The following CNOT6 variants were observed in gnomAD, a reference collection of about 807,000 sequenced individuals.
The protein encoded by CNOT6 is carbon catabolite repression 4 protein.
CNOT6 carries 12 observed loss-of-function variants against 61.2 expected under a neutral mutation model. The observed-to-expected ratio is 0.20, with a 90% CI of 0.13 to 0.32. The LOEUF (loss-of-function observed/expected upper bound fraction) is 0.32. CNOT6 is among the 10% of genes least tolerant of loss of function. The pLI is 1.00. For synonymous variants in CNOT6, 225 were observed against 240.6 expected (o/e 0.94, Z 0.60); for missense variants, 405 against 663.9 (o/e 0.61, Z 4.28).
intron 2 of CNOT6, among the ~76,000 whole-genome samples, chr5:180,540,900 A>G (rs1399232782): frequency 6.6e-6 from 1 of 152,096 alleles, no homozygotes; most frequent in Non-Finnish European, 1.5e-5. Flanking sequence ...TAGCATTTCC[A>G]ATGTTTTTCA....
At chr5:180,504,021 T>C (rs577155716) in intron 1 of CNOT6, among the ~76,000 whole-genome samples, 2 of 152,318 alleles carry the variant, frequency 1.3e-5, no homozygotes, top group South Asian at 2.1e-4. Context: ...TTTACACTAG[T>C]AGTTGATCAT....
rs372037483 is a variant in CNOT6 at position 180,571,451 on chromosome 5, A to C, written c.1461+19A>C. ...TTTCAAGGTGTGTCTTGAGACTGAT[A>C]AGCTTTTCAAACCTGTCTTTTACTG... On this transcript the variant is annotated intron_variant, in intron 11 of 11. Transcript: ENST00000261951. 8.9e-6 allele frequency: 14 copies of C among 1,581,342 alleles called. No homozygotes were observed. In the African/African-American group the frequency reaches 1.5e-4, roughly 17 times the overall value.
chr5:180,547,967 C>G (rs967552900), intron 2 of CNOT6, among the ~76,000 whole-genome samples: 1 of 152,208 alleles, frequency 6.6e-6, no homozygotes, highest in Non-Finnish European at 1.5e-5. Context: ...CTCCTGACTT[C>G]AGGTGATCTG....
At chr5:180,529,418 T>A in intron 2 of CNOT6, 30 bp downstream of exon 2, 1 of 1,362,460 alleles carries the variant, frequency 7.3e-7, no homozygotes, top group Non-Finnish European at 1.0e-6. Context: ...ATTTATGGTA[T>A]GGAAATTAAG....
intron 1 of CNOT6, among the ~76,000 whole-genome samples, chr5:180,513,089 G>T (rs1467376393): frequency 2.6e-5 from 4 of 151,866 alleles, no homozygotes; most frequent in Non-Finnish European, 4.4e-5. Flanking sequence ...AGTAGACACG[G>T]CATTTCACCT....
chr5:180,528,610 T>C (rs1192276895), intron 1 of CNOT6, among the ~76,000 whole-genome samples: 1 of 152,160 alleles, frequency 6.6e-6, no homozygotes, highest in Non-Finnish European at 1.5e-5. Context: ...CCACCATGCC[T>C]GGCCGATTCT....
In CNOT6 at chr5:180,550,107, G is replaced by A. The variant is rs1280102346; in HGVS notation, c.289G>A (p.Val97Ile). The change falls in exon 3 of 12, where the codon GTA (valine) becomes ATA (isoleucine). Residue 97 changes from valine (V) to isoleucine (I), a missense_variant. This residue lies in a region of CNOT6 where 212 missense variants were observed against 307.1 expected (regional missense o/e 0.69). Transcript: ENST00000261951. Reference sequence around the variant, plus strand: ...CTTACCCGCAGAACTCGGAAACATGGTATCACTCAGGTATGCAGATTCAAC... The same window carrying A: ...CTTACCCGCAGAACTCGGAAACATGATATCACTCAGGTATGCAGATTCAAC... The part of the protein sequence containing the change: ...RSLPAELGNM[V>I]SLRELHLNNN... 1.9e-5 allele frequency: 31 copies of A among 1,613,288 alleles called. No individual in the cohort carries two copies. Among genetic ancestry groups the A allele is most frequent in the Non-Finnish European group, 2.4e-5 (28 of 1,179,550 alleles).
At chr5:180,535,496 T>A (rs1758637300) in intron 2 of CNOT6, among the ~76,000 whole-genome samples, 1 of 152,238 alleles carries the variant, frequency 6.6e-6, no homozygotes, top group South Asian at 2.1e-4. Flanking sequence ...TTTCATTCTT[T>A]TTTATAACTC....
At chr5:180,531,061 G>A (rs1244095015) in intron 2 of CNOT6, among the ~76,000 whole-genome samples, 6 of 152,068 alleles carry the variant, frequency 3.9e-5, no homozygotes, top group African/African-American at 7.2e-5. Flanking sequence ...ATCATGGCCC[G>A]TTCTCAATGA....
At chr5:180,561,573 T>C (rs1027488440) in intron 4 of CNOT6, among the ~76,000 whole-genome samples, 2 of 152,208 alleles carry the variant, frequency 1.3e-5, no homozygotes, top group African/African-American at 4.8e-5. Context: ...ACTCATGTTA[T>C]GAAACTCTAG....
chr5:180,511,676 G>A (rs965844385), intron 1 of CNOT6, among the ~76,000 whole-genome samples: 1 of 152,010 alleles, frequency 6.6e-6, no homozygotes, highest in African/African-American at 2.4e-5. Context: ...GAGATGGGAG[G>A]ACCGCTTGAG....
At chr5:180,510,308 T>C (rs1444639175) in intron 1 of CNOT6, among the ~76,000 whole-genome samples, 1 of 151,808 alleles carries the variant, frequency 6.6e-6, no homozygotes, top group Non-Finnish European at 1.5e-5. Context: ...AGGACTTCTA[T>C]CCGTAAACTT....
chr5:180,552,121 G>A (rs1352838688), intron 3 of CNOT6, among the ~76,000 whole-genome samples: 7 of 151,232 alleles, frequency 4.6e-5, no homozygotes, highest in African/African-American at 7.3e-5. Context: ...TGCCTGCCTC[G>A]GCCTCCCAAA....
At position 180,513,221 on chromosome 5, in the gene CNOT6, T is replaced by A. The variant is rs185892995; in HGVS notation, c.-2-16054T>A. On this transcript the variant is annotated intron_variant, in intron 1 of 11. Transcript: ENST00000261951. ...CATTTATTTATTTTTTGAGACAGGA[T>A]CTCTGTCGCTCAGACTGGAGTGCAG... Among the ~76,000 whole-genome samples the A allele has an allele frequency of 3.6e-3, 536 of 150,788 alleles. 7 individuals carry two copies. In the Middle Eastern group the frequency reaches 0.04, roughly 11 times the overall value.
intron 3 of CNOT6, 104 bp downstream of exon 3, chr5:180,550,221 G>A (rs1429878702): frequency 1.2e-6 from 1 of 818,834 alleles, no homozygotes; most frequent in Non-Finnish European, 1.9e-6. Context: ...TTGGGAGGCT[G>A]CGAGAGGATC....
chr5:180,549,524 C>A (rs893002626), intron 2 of CNOT6, among the ~76,000 whole-genome samples: 2 of 152,034 alleles, frequency 1.3e-5, no homozygotes, highest in Non-Finnish European at 2.9e-5. Context: ...GTGGCGGGTG[C>A]CTGTAATCCC....
intron 4 of CNOT6, among the ~76,000 whole-genome samples, chr5:180,559,012 T>C (rs567253335): frequency 6.6e-6 from 1 of 152,310 alleles, no homozygotes; most frequent in South Asian, 2.1e-4. Context: ...TTCTTTTCCA[T>C]TTGTTGAAGT....
chr5:180,563,575 C>T (rs993604255), intron 4 of CNOT6, among the ~76,000 whole-genome samples: 1 of 152,144 alleles, frequency 6.6e-6, no homozygotes, highest in African/African-American at 2.4e-5. Context: ...TAGGAAAAAA[C>T]ACTTCCTTTA....
chr5:180,536,642 A>G (rs1758714161), intron 2 of CNOT6, among the ~76,000 whole-genome samples: 3 of 151,798 alleles, frequency 2.0e-5, no homozygotes. Context: ...ACAGGATCTC[A>G]CTTTGTCACC....
Sources: allele counts gnomAD v4.1 joint callset (sites outside exome capture counted in the v4.1 genomes callset), GRCh38; gene constraint gnomAD v4.1.1; regional missense constraint gnomAD v4.1.1; transcripts MANE v1.5; gene names NCBI Gene and HGNC (gene_info 2026-07-23, HGNC 2026-07-21).